The following HSP90AA1 variants were observed in gnomAD, a reference collection of about 807,000 sequenced individuals.
The protein encoded by HSP90AA1 is heat shock protein 90 alpha family class A member 1, also known as heat shock protein HSP 90-alpha.
HSP90AA1 carries 18 observed loss-of-function variants against 73.3 expected under a neutral mutation model. The ratio of observed to expected loss-of-function variants is 0.25; its 90% CI spans 0.17 to 0.36. HSP90AA1 has a LOEUF of 0.36. Ranked by LOEUF, HSP90AA1 falls within the 10% of genes least tolerant of loss-of-function variation. The pLI, the probability that HSP90AA1 is intolerant of heterozygous loss-of-function variation, is 1.00. For synonymous variants in HSP90AA1, 477 were observed against 296.9 expected (o/e 1.61, Z -6.24); for missense variants, 704 against 874.2 (o/e 0.81, Z 2.45).
At chr14:102,089,669 G>A (rs1336294735), upstream of HSP90AA1, among the ~76,000 whole-genome samples, 3 of 152,212 alleles carry the variant, frequency 2.0e-5, no homozygotes, top group South Asian at 6.2e-4. Context: ...CTCAGCTCCA[G>A]ACCTGGATGC....
chr14:102,134,991 A>G (rs966735555), intron 1 of HSP90AA1, among the ~76,000 whole-genome samples: 5 of 150,370 alleles, frequency 3.3e-5, no homozygotes, highest in African/African-American at 1.3e-4. Flanking sequence ...CGTCCCCATC[A>G]GATTAGTTAG....
At chr14:102,134,111 A>G (rs2049946057) in intron 1 of HSP90AA1, among the ~76,000 whole-genome samples, 2 of 150,902 alleles carry the variant, frequency 1.3e-5, no homozygotes, top group South Asian at 4.2e-4. Flanking sequence ...AGATTACGCC[A>G]CTGCACTCCA....
intron 1 of HSP90AA1, among the ~76,000 whole-genome samples, chr14:102,106,740 C>T (rs2049573859): frequency 6.6e-6 from 1 of 151,848 alleles, no homozygotes; most frequent in Non-Finnish European, 1.5e-5. Flanking sequence ...GATGGGGTTT[C>T]CCCATGTTGG....
chr14:102,083,759 G>A (rs374387305), intron 7 of HSP90AA1, 34 bp downstream of exon 7: 5 of 1,575,560 alleles, frequency 3.2e-6, no homozygotes, highest in South Asian at 2.3e-5. Context: ...AACTAAAGAG[G>A]CCAATTGGAA....
rs761393726 is a variant in HSP90AA1 at position 102,120,798 on chromosome 14, C to T, written c.155+18452G>A. On this transcript the variant is annotated intron_variant, in intron 1 of 11. Coordinates refer to the HSP90AA1 transcript ENST00000334701. The stretch of plus-strand genomic sequence containing the variant: ...TCTCTACTAAAAATACAAAAATTAG[C>T]GTGGCGGTGGGCGCCTATAATCCCA... 7.3e-5 allele frequency among the ~76,000 whole-genome samples: 11 copies of T among 151,654 alleles called. No individual in the cohort carries two copies. The East Asian group carries it at 1.4e-3, about 19-fold the overall frequency.
intron 1 of HSP90AA1, among the ~76,000 whole-genome samples, chr14:102,115,870 A>C (rs546821157): frequency 6.6e-6 from 1 of 152,154 alleles, no homozygotes; most frequent in African/African-American, 2.4e-5. Context: ...CAGCCTCCTG[A>C]GTGGGTGGGA....
At chr14:102,084,639 G>T in intron 5 of HSP90AA1, 42 bp downstream of exon 5, 1 of 1,614,118 alleles carries the variant, frequency 6.2e-7, no homozygotes, top group South Asian at 1.1e-5. Context: ...GGAGAAAGAT[G>T]ATAATCTAAG....
upstream of HSP90AA1, among the ~76,000 whole-genome samples, chr14:102,088,795 C>T (rs1342365785): frequency 6.6e-6 from 1 of 152,226 alleles, no homozygotes; most frequent in African/African-American, 2.4e-5. Flanking sequence ...ACTGTCCCCG[C>T]TCTCCTCACT....
chr14:102,139,405 C>T (rs2050181570), exon 1 of HSP90AA1: 1 of 1,557,502 alleles, frequency 6.4e-7, no homozygotes, highest in Non-Finnish European at 8.7e-7. Context: ...ACGGGGGCAT[C>T]CGCGCTCCCC....
chr14:102,132,467 A>G (rs1195187718), intron 1 of HSP90AA1, among the ~76,000 whole-genome samples: 1 of 152,080 alleles, frequency 6.6e-6, no homozygotes, highest in Non-Finnish European at 1.5e-5. Context: ...GGATGGCTTG[A>G]GCCTGGAAGG....
chr14:102,082,936 CTGTTT>C lies in HSP90AA1; in HGVS notation c.1755+93_1755+97del, dbSNP rs371768301. ...GCCCAGCCACACACAACATAGTTTT[CTGTTT>C]TAAGTTGAAAACATGCGAAAATGGG... On this transcript the variant is annotated intron_variant, in intron 9 of 10. Coordinates refer to ENST00000216281, the MANE Select transcript of HSP90AA1 (RefSeq NM_005348.4). 655 of 1,280,800 alleles carry C rather than the reference CTGTTT, an allele frequency of 5.1e-4. 7 individuals carry two copies. The South Asian group carries it at 5.5e-3, about 11-fold the overall frequency. 79.3% of individuals were successfully genotyped at this position (1,280,800 alleles called of 1,614,324 possible).
At chr14:102,133,859 T>C (rs1331461068) in intron 1 of HSP90AA1, among the ~76,000 whole-genome samples, 3 of 152,034 alleles carry the variant, frequency 2.0e-5, no homozygotes, top group Non-Finnish European at 4.4e-5. Context: ...GCAAGGGACA[T>C]AGCTAAGGAT....
chr14:102,111,697 C>T (rs143806546), intron 1 of HSP90AA1, among the ~76,000 whole-genome samples: 3 of 152,330 alleles, frequency 2.0e-5, no homozygotes, highest in Non-Finnish European at 4.4e-5. Context: ...GGAATAAATA[C>T]TTCCTCAGAA....
rs111942918 is a variant in HSP90AA1 at position 102,114,950 on chromosome 14, C to T, written c.156-12865G>A. On this transcript the variant is annotated intron_variant, in intron 1 of 11. Transcript: ENST00000334701. ...GGGATTTAGACCATCCTGGCTAACA[C>T]GGTGAAACCCCGTCTCTACTAAAAA... is the stretch of plus-strand genomic sequence containing the variant. Among the ~76,000 whole-genome samples the T allele has an allele frequency of 5.9e-5, 9 of 152,102 alleles. No individual in the cohort carries two copies. The South Asian group carries it at 6.2e-4, about 11-fold the overall frequency.
Position 102,081,531 on chromosome 14 carries a change from C to CT in HSP90AA1, c.*180dup. The CT allele has an allele frequency of 1.6e-6, 1 of 617,658 alleles. No individual in the cohort carries two copies. The highest frequency in any genetic ancestry group is 2.7e-5 in the East Asian group (1 of 36,598). 38.3% of individuals were successfully genotyped at this position (617,658 alleles called of 1,614,324 possible). A position where few individuals can be genotyped will look rare whatever the true frequency, so the allele number is the denominator to read the frequency against. On this transcript the variant is annotated 3_prime_UTR_variant, in exon 11 of 11. Transcript: ENST00000216281. ...AACTCAAAAAGCATTACTAGCTCTG[C>CT]TTTAGTGCCTAAGGTATCACAGCAT...
chr14:102,086,447 GTTCT>G, intron 1 of HSP90AA1, 69 bp from the exon 2 acceptor site: 1 of 1,526,608 alleles, frequency 6.6e-7, no homozygotes, highest in South Asian at 1.1e-5. Flanking sequence ...ATTCCATCGC[GTTCT>G]CCAAATATTT....
intron 2 of HSP90AA1, among the ~76,000 whole-genome samples, chr14:102,093,960 C>A: frequency 6.9e-6 from 1 of 145,364 alleles, no homozygotes; most frequent in South Asian, 2.2e-4. Context: ...AGTCTTTTTT[C>A]TTTTTTCAAA....
chr14:102,081,710 G>T lies in HSP90AA1; in HGVS notation c.*2C>A, dbSNP rs780659343. 6.0e-6 allele frequency: 8 copies of T among 1,325,080 alleles called. No individual in the cohort carries two copies. In the Middle Eastern group the frequency reaches 1.1e-3, roughly 181 times the overall value. 82.1% of individuals were successfully genotyped at this position (1,325,080 alleles called of 1,614,324 possible). On this transcript the variant is annotated 3_prime_UTR_variant, in exon 11 of 11. Coordinates refer to ENST00000216281, the MANE Select transcript of HSP90AA1 (RefSeq NM_005348.4). ...ACAGGTAAGTCATCCCTCAGCCAGA[G>T]ATTAGTCTACTTCTTCCATGCGTGA...
Position 102,084,609 on chromosome 14 carries a change from T to C in HSP90AA1, c.982-45A>G, listed in dbSNP as rs368467890. On this transcript the variant is annotated intron_variant, in intron 5 of 10. Transcript: ENST00000216281. ...CTAAGTACCAATGAACAATGCATTA[T>C]AGAAGATATTTGGGGTGGTGGAGAA... 43 of 1,614,084 alleles carry C rather than the reference T, an allele frequency of 2.7e-5. No individual in the cohort carries two copies. The African/African-American group carries it at 3.7e-4, about 14-fold the overall frequency.
Sources: allele counts gnomAD v4.1 joint callset (sites outside exome capture counted in the v4.1 genomes callset), GRCh38; gene constraint gnomAD v4.1.1; transcripts MANE v1.5; gene names NCBI Gene and HGNC (gene_info 2026-07-23, HGNC 2026-07-21).